Variants in KLF7 observed in about 807,000 individuals in gnomAD.
KLF7 encodes the protein KLF transcription factor 7, also known as Krueppel-like factor 7.
A neutral mutation model predicts 27.3 loss-of-function variants in KLF7; 2 were observed. That is an observed-to-expected ratio of 0.07 (90% CI 0.03 to 0.23). KLF7 has a LOEUF of 0.23. Among genes scored for constraint, KLF7 ranks in the 10% least tolerant of loss-of-function variants. The probability of loss-of-function intolerance (pLI) is 1.00; values close to 1 mark genes in which losing one functional copy is unlikely to be tolerated. For missense variants in KLF7, 221 were observed against 394.1 expected (o/e 0.56, Z 3.72); for synonymous variants, 165 against 162.4 (o/e 1.02, Z -0.12).
rs573587778 is a variant in KLF7, at chr2:207,116,425, C to A, written c.733+7349G>T. ...TTTAAAAAAATTAACACGTGAGTTT[C>A]TTAAACTCCATTTCTTTCTAATTCA... On this transcript the variant is annotated intron_variant, in intron 2 of 3. Transcript: ENST00000309446. Among the ~76,000 whole-genome samples the A allele has an allele frequency of 8.5e-5, 13 of 152,294 alleles. No homozygotes were observed. The South Asian group carries it at 2.7e-3, about 32-fold the overall frequency.
intron 1 of KLF7, among the ~76,000 whole-genome samples, chr2:207,137,197 G>A (rs149041014): frequency 1.3e-5 from 2 of 151,294 alleles, no homozygotes; most frequent in Non-Finnish European, 2.9e-5. Context: ...GGATGTCCCT[G>A]AGAAAGGCAA....
At chr2:207,169,115 AT>A (rs2078767805), upstream of KLF7, among the ~76,000 whole-genome samples, 1 of 152,212 alleles carries the variant, frequency 6.6e-6, no homozygotes, top group African/African-American at 2.4e-5. Flanking sequence ...GTAAAAGCAG[AT>A]TAGAATACAG....
At chr2:207,166,328 G>A (rs1236379279), upstream of KLF7, 7 of 308,306 alleles carry the variant, frequency 2.3e-5, no homozygotes, top group Non-Finnish European at 3.3e-5. Context: ...ACAAGGCGGT[G>A]CGAGGCGAGC....
intron 2 of KLF7, among the ~76,000 whole-genome samples, chr2:207,119,030 T>C (rs1559136563): frequency 6.6e-6 from 1 of 152,220 alleles, no homozygotes. Flanking sequence ...AATTGCACAC[T>C]TGTATTACTT....
intron 3 of KLF7, among the ~76,000 whole-genome samples, chr2:207,081,681 G>C (rs546274886): frequency 1.3e-5 from 2 of 152,064 alleles, no homozygotes; most frequent in Non-Finnish European, 2.9e-5. Context: ...TTTGAAACCT[G>C]TGTCATGCCT....
chr2:207,085,076 C>A (rs1010641453), intron 3 of KLF7, among the ~76,000 whole-genome samples: 1 of 145,838 alleles, frequency 6.9e-6, no homozygotes, highest in Non-Finnish European at 1.5e-5. Flanking sequence ...GCAGGAGAAT[C>A]GCCTGAACCC....
intron 2 of KLF7, among the ~76,000 whole-genome samples, chr2:207,104,563 T>C (rs973310947): frequency 1.3e-5 from 2 of 152,222 alleles, no homozygotes; most frequent in African/African-American, 4.8e-5. Context: ...AAGGGCTTTA[T>C]GTATATTCTG....
At chr2:207,117,382 T>C (rs1667333976) in intron 2 of KLF7, among the ~76,000 whole-genome samples, 1 of 152,232 alleles carries the variant, frequency 6.6e-6, no homozygotes, top group South Asian at 2.1e-4. Flanking sequence ...TTCAAACTTC[T>C]CTTAAGCTCT....
intron 2 of KLF7, among the ~76,000 whole-genome samples, chr2:207,093,277 C>T (rs543962769): frequency 1.3e-5 from 2 of 152,172 alleles, no homozygotes; most frequent in African/African-American, 2.4e-5. Context: ...GGTTTTCTAT[C>T]GTTCTCAGAA....
intron 1 of KLF7, among the ~76,000 whole-genome samples, chr2:207,141,908 G>C (rs1478703984): frequency 1.3e-5 from 2 of 152,164 alleles, no homozygotes; most frequent in East Asian, 1.9e-4. Context: ...TATTTGAGGA[G>C]AGACCCAGCT....
chr2:207,120,590 A>G (rs2077311707), intron 2 of KLF7, among the ~76,000 whole-genome samples: 1 of 152,174 alleles, frequency 6.6e-6, no homozygotes, highest in South Asian at 2.1e-4. Context: ...CAACTGGAAG[A>G]TAAGAAATAT....
At chr2:207,166,163 G>A (rs867600396), upstream of KLF7, 234 of 985,814 alleles carry the variant, frequency 2.4e-4, 2 homozygotes, top group Middle Eastern at 2.1e-3. Context: ...GGATCTCGAG[G>A]AGGGCGTCCA....
At chr2:207,091,322 T>G (rs1248609108) in intron 2 of KLF7, among the ~76,000 whole-genome samples, 2 of 152,168 alleles carry the variant, frequency 1.3e-5, no homozygotes, top group Non-Finnish European at 2.9e-5. Context: ...ACAAACCAAC[T>G]CTCCAACCCA....
chr2:207,095,234 G>A (rs1486774755), intron 2 of KLF7, among the ~76,000 whole-genome samples: 1 of 151,780 alleles, frequency 6.6e-6, no homozygotes. Context: ...AATTTTAGTG[G>A]AGACAGGGTT....
At chr2:207,165,303 C>T (rs1419578855) in intron 1 of KLF7, among the ~76,000 whole-genome samples, 164 bp downstream of exon 1, 1 of 151,974 alleles carries the variant, frequency 6.6e-6, no homozygotes, top group Non-Finnish European at 1.5e-5. Flanking sequence ...GAGAGGTAAG[C>T]GCAGATGACT....
intron 1 of KLF7, among the ~76,000 whole-genome samples, chr2:207,143,916 C>A (rs958259517): frequency 3.9e-5 from 6 of 152,174 alleles, no homozygotes; most frequent in African/African-American, 1.2e-4. Flanking sequence ...CCCCCTGTGA[C>A]TGAGAGGCTC....
At chr2:207,090,715 G>A (rs2076491378) in intron 2 of KLF7, among the ~76,000 whole-genome samples, 1 of 152,146 alleles carries the variant, frequency 6.6e-6, no homozygotes, top group African/African-American at 2.4e-5. Context: ...GCATATTGAT[G>A]GAGAATGAAT....
Position 207,078,254 on chromosome 2 carries a change from G to C in KLF7, c.*2959C>G, listed in dbSNP as rs1052514018. 2 of 152,206 alleles carry C rather than the reference G, an allele frequency of 1.3e-5. No individual in the cohort carries two copies. Among genetic ancestry groups the C allele is most frequent in the African/African-American group, 4.8e-5 (2 of 41,444 alleles). 9.4% of individuals were successfully genotyped at this position (152,206 alleles called of 1,614,324 possible). A position where few individuals can be genotyped will look rare whatever the true frequency, so the allele number is the denominator to read the frequency against. ...ATTCTCACAGTCAACAAATGACTCT[G>C]AAGCAAGCAAGCACCACCATTGAGT... On this transcript the variant is annotated 3_prime_UTR_variant, in exon 4 of 4. Transcript: ENST00000309446.
chr2:207,083,188 TA>T (rs2076314409), intron 3 of KLF7, among the ~76,000 whole-genome samples: 1 of 152,154 alleles, frequency 6.6e-6, no homozygotes, highest in African/African-American at 2.4e-5. Flanking sequence ...ATGTCACTGG[TA>T]CACAGAAAAA....
Sources: gnomAD v4.1 joint callset for allele counts (sites outside exome capture counted in the v4.1 genomes callset) on GRCh38, gnomAD v4.1.1 for gene constraint, MANE v1.5 for transcripts, NCBI Gene and HGNC (gene_info 2026-07-23, HGNC 2026-07-21) for gene names.